ATRNL1: variants seen among roughly 807,000 people sequenced by gnomAD.
The protein encoded by ATRNL1 is attractin-like protein 1.
Under a neutral mutation model 182.7 loss-of-function variants are expected in ATRNL1, and 95 were observed. The ratio of observed to expected loss-of-function variants is 0.52; its 90% CI spans 0.44 to 0.62. The LOEUF (loss-of-function observed/expected upper bound fraction) is 0.62. ATRNL1 is among the 20% of genes least tolerant of loss of function. The pLI is 0.00. For synonymous variants in ATRNL1, 576 were observed against 568.3 expected (o/e 1.01, Z -0.19); for missense variants, 1,471 against 1,679.5 (o/e 0.88, Z 2.17).
chr10:115,312,619 C>T (rs950431519), intron 17 of ATRNL1, among the ~76,000 whole-genome samples: 1 of 152,238 alleles, frequency 6.6e-6, no homozygotes, highest in Admixed American at 6.5e-5. Flanking sequence ...CTCTCAGGAG[C>T]TCTTTGAGCT....
intron 26 of ATRNL1, among the ~76,000 whole-genome samples, chr10:115,610,383 C>T (rs1485657016): frequency 6.6e-6 from 1 of 152,082 alleles, no homozygotes; most frequent in African/African-American, 2.4e-5. Flanking sequence ...CTGTCTATGA[C>T]TACAAAAAAA....
chr10:115,896,217 T>C (rs1157159123), intron 28 of ATRNL1, among the ~76,000 whole-genome samples: 1 of 152,238 alleles, frequency 6.6e-6, no homozygotes, highest in Non-Finnish European at 1.5e-5. Flanking sequence ...TCTGAGATTA[T>C]GGTTCTGCCT....
chr10:115,677,034 CA>C (rs1323534588), intron 26 of ATRNL1, among the ~76,000 whole-genome samples: 1 of 151,988 alleles, frequency 6.6e-6, no homozygotes, highest in African/African-American at 2.4e-5. Context: ...TTATTTCTGG[CA>C]GCTTTATTTG....
intron 1 of ATRNL1, among the ~76,000 whole-genome samples, chr10:115,104,816 G>A (rs1843929288): frequency 6.6e-6 from 1 of 152,088 alleles, no homozygotes; most frequent in Non-Finnish European, 1.5e-5. Context: ...CTTCCCCAGT[G>A]TATGTGCTTG....
At position 115,762,414 on chromosome 10, in the gene ATRNL1, A is replaced by G. The variant is rs183005161; in HGVS notation, c.3903+35059A>G. On this transcript the variant is annotated intron_variant, in intron 27 of 28. Coordinates refer to ENST00000355044, the MANE Select transcript of ATRNL1 (RefSeq NM_207303.4). ...ATTAATTTAATGCAGAAAATCTAGT[A>G]CATCCTAGAAAATAATGAAAAGTTC... Among the ~76,000 whole-genome samples, 411 of 152,300 alleles carry G rather than the reference A, an allele frequency of 2.7e-3. 5 individuals are homozygous for G. The highest frequency in any genetic ancestry group is 9.5e-3 in the African/African-American group (393 of 41,568).
At chr10:115,698,803 G>A (rs565746738) in intron 26 of ATRNL1, among the ~76,000 whole-genome samples, 1 of 151,692 alleles carries the variant, frequency 6.6e-6, no homozygotes, top group South Asian at 2.1e-4. Context: ...AGAAATGTGA[G>A]TAGACCAAAA....
chr10:115,869,076 G>A (rs534607131), intron 28 of ATRNL1, among the ~76,000 whole-genome samples: 3 of 151,804 alleles, frequency 2.0e-5, no homozygotes, highest in Non-Finnish European at 2.9e-5. Context: ...TGATCCGCCC[G>A]CCTCGGCCTC....
chr10:115,689,747 G>A (rs1365315531), intron 26 of ATRNL1, among the ~76,000 whole-genome samples: 9 of 152,170 alleles, frequency 5.9e-5, no homozygotes, highest in African/African-American at 2.2e-4. Flanking sequence ...ACCATTCACA[G>A]CCCCAGACAC....
intron 5 of ATRNL1, among the ~76,000 whole-genome samples, chr10:115,152,015 G>A (rs1350345363): frequency 2.6e-5 from 4 of 152,172 alleles, no homozygotes; most frequent in African/African-American, 9.7e-5. Context: ...TCAAAGATCA[G>A]ATGGCTGTAG....
intron 28 of ATRNL1, among the ~76,000 whole-genome samples, chr10:115,871,651 G>A (rs1175968298): frequency 6.6e-6 from 1 of 151,978 alleles, no homozygotes; most frequent in Non-Finnish European, 1.5e-5. Flanking sequence ...CCATGGACAT[G>A]AGGGTCTATA....
intron 19 of ATRNL1, among the ~76,000 whole-genome samples, chr10:115,348,122 C>T (rs947245747): frequency 7.2e-5 from 11 of 152,046 alleles, no homozygotes; most frequent in South Asian, 2.1e-4. Context: ...GACAGGCACG[C>T]GCCACTGCAC....
chr10:115,907,589 T>A (rs1952542083), intron 28 of ATRNL1, among the ~76,000 whole-genome samples: 1 of 152,230 alleles, frequency 6.6e-6, no homozygotes, highest in Admixed American at 6.5e-5. Flanking sequence ...GTAGTTTTCA[T>A]ACACATTTCA....
intron 1 of ATRNL1, among the ~76,000 whole-genome samples, chr10:115,115,660 CTA>C (rs1342122223): frequency 6.6e-6 from 1 of 152,134 alleles, no homozygotes. Context: ...TGCATAAAGA[CTA>C]TCCCTGAGTG....
chr10:115,356,506 G>A (rs1856510310), intron 19 of ATRNL1, among the ~76,000 whole-genome samples: 1 of 152,002 alleles, frequency 6.6e-6, no homozygotes, highest in South Asian at 2.1e-4. Flanking sequence ...GAGGAGAACT[G>A]AGGCTATGAA....
chr10:115,287,924 G>GTTTTTTTTTTTTT (rs11298663), intron 15 of ATRNL1, among the ~76,000 whole-genome samples: 2 of 91,018 alleles, frequency 2.2e-5, no homozygotes, highest in African/African-American at 4.2e-5. Flanking sequence ...AAGATCAACT[G>GTTTTTTTTTTTTT]TTTTTTTTTT....
intron 9 of ATRNL1, among the ~76,000 whole-genome samples, chr10:115,230,239 T>G (rs1849867582): frequency 6.6e-6 from 1 of 152,218 alleles, no homozygotes; most frequent in South Asian, 2.1e-4. Context: ...AAATGTATTT[T>G]AAATGATAAT....
intron 27 of ATRNL1, among the ~76,000 whole-genome samples, chr10:115,754,375 T>C (rs1263309041): frequency 1.3e-5 from 2 of 152,212 alleles, no homozygotes; most frequent in African/African-American, 4.8e-5. Flanking sequence ...GGATCCAGTT[T>C]CAGCTTTCTG....
chr10:115,368,178 C>A (rs373305853), intron 19 of ATRNL1, among the ~76,000 whole-genome samples: 1 of 152,234 alleles, frequency 6.6e-6, no homozygotes, highest in African/African-American at 2.4e-5. Context: ...ATCAGCGAGA[C>A]TCCGTGGGCG....
At chr10:115,245,420 ACCCT>A (rs1191676778) in intron 10 of ATRNL1, among the ~76,000 whole-genome samples, 2 of 143,838 alleles carry the variant, frequency 1.4e-5, no homozygotes, top group Non-Finnish European at 3.0e-5. Context: ...AATCGCTTGT[ACCCT>A]GGAGGTGGAG....
Sources: gnomAD v4.1 joint callset for allele counts (sites outside exome capture counted in the v4.1 genomes callset) on GRCh38, gnomAD v4.1.1 for gene constraint, MANE v1.5 for transcripts, NCBI Gene and HGNC (gene_info 2026-07-23, HGNC 2026-07-21) for gene names.